Variants in WWOX observed in about 807,000 individuals in gnomAD.
WWOX encodes the protein WW domain containing oxidoreductase, also known as WW domain-containing oxidoreductase.
WWOX carries 69 observed loss-of-function variants against 46.2 expected under a neutral mutation model. The observed-to-expected ratio is 1.49, with a 90% CI of 1.23 to 1.82. The LOEUF is 1.82. Among genes scored for constraint, WWOX ranks in the 40% most tolerant of loss-of-function variants. The pLI is 0.00. For synonymous variants in WWOX, 359 were observed against 202.6 expected (o/e 1.77, Z -6.56); for missense variants, 919 against 542.6 (o/e 1.69, Z -6.89).
intron 8 of WWOX, among the ~76,000 whole-genome samples, chr16:79,141,010 G>T (rs1472851954): frequency 6.6e-6 from 1 of 152,166 alleles, no homozygotes; most frequent in Non-Finnish European, 1.5e-5. Flanking sequence ...GAAAGGACCT[G>T]TGAAAGGAAG....
chr16:78,761,061 C>G (rs548579756), intron 8 of WWOX, among the ~76,000 whole-genome samples: 2 of 152,078 alleles, frequency 1.3e-5, no homozygotes, highest in African/African-American at 4.8e-5. Flanking sequence ...TCCTACAACA[C>G]GTAAGAATTA....
chr16:78,222,221 C>G (rs2036910745), intron 5 of WWOX, among the ~76,000 whole-genome samples: 1 of 152,034 alleles, frequency 6.6e-6, no homozygotes, highest in African/African-American at 2.4e-5. Context: ...GCTAAGCTGT[C>G]TCCTGGGAAG....
At chr16:78,774,569 T>C (rs1466459867) in intron 8 of WWOX, among the ~76,000 whole-genome samples, 1 of 148,558 alleles carries the variant, frequency 6.7e-6, no homozygotes, top group Non-Finnish European at 1.5e-5. Flanking sequence ...CGTGTCCCCC[T>C]CCCCCCCCAC....
intron 8 of WWOX, among the ~76,000 whole-genome samples, chr16:79,008,890 A>AGC (rs10537998): frequency 7.9e-5 from 12 of 152,050 alleles, no homozygotes; most frequent in Admixed American, 3.3e-4. Context: ...TATAATGAGC[A>AGC]GCGCACACAC....
chr16:78,690,869 T>TA (rs1328454954), intron 8 of WWOX, among the ~76,000 whole-genome samples: 1 of 152,218 alleles, frequency 6.6e-6, no homozygotes, highest in Non-Finnish European at 1.5e-5. Flanking sequence ...TGTTGTCTCT[T>TA]AGCACCGTAT....
At chr16:78,754,040 A>G (rs575895867) in intron 8 of WWOX, among the ~76,000 whole-genome samples, 13 of 151,690 alleles carry the variant, frequency 8.6e-5, no homozygotes, top group African/African-American at 3.1e-4. Context: ...GAACTCTTGT[A>G]ATTACTCTCA....
intron 6 of WWOX, among the ~76,000 whole-genome samples, chr16:78,413,941 C>T (rs1014357794): frequency 6.6e-6 from 1 of 151,746 alleles, no homozygotes; most frequent in African/African-American, 2.4e-5. Context: ...CTGTGACCTG[C>T]ACATATACAT....
chr16:78,201,228 C>T (rs191229493), intron 5 of WWOX, among the ~76,000 whole-genome samples: 3 of 152,212 alleles, frequency 2.0e-5, no homozygotes, highest in Admixed American at 1.3e-4. Flanking sequence ...AACTAAGAAC[C>T]AAAATGATTG....
At chr16:78,537,037 G>A (rs1286862838) in intron 8 of WWOX, among the ~76,000 whole-genome samples, 3 of 151,438 alleles carry the variant, frequency 2.0e-5, no homozygotes, top group African/African-American at 7.3e-5. Context: ...AGGCCTCAAC[G>A]TCCTGAGAAG....
At chr16:78,975,619 G>A (rs141375153) in intron 8 of WWOX, among the ~76,000 whole-genome samples, 1 of 152,120 alleles carries the variant, frequency 6.6e-6, no homozygotes, top group African/African-American at 2.4e-5. Context: ...AGGGTGAACA[G>A]TGTTTATTCC....
chr16:78,733,086 C>G (rs958418760), intron 8 of WWOX, among the ~76,000 whole-genome samples: 10 of 152,252 alleles, frequency 6.6e-5, no homozygotes, highest in Middle Eastern at 3.4e-3. Context: ...AAACTTCCGC[C>G]TTTTTTGTCC....
At chr16:78,722,488 G>A (rs1377708403) in intron 8 of WWOX, among the ~76,000 whole-genome samples, 2 of 152,316 alleles carry the variant, frequency 1.3e-5, no homozygotes, top group East Asian at 1.9e-4. Context: ...CATCCAGTAA[G>A]TAGTGGTATC....
chr16:79,048,879 C>G (rs751123102), intron 8 of WWOX, among the ~76,000 whole-genome samples: 13 of 152,240 alleles, frequency 8.5e-5, no homozygotes, highest in African/African-American at 2.6e-4. Context: ...ATCTCTACCA[C>G]CATCCCCAGA....
intron 8 of WWOX, among the ~76,000 whole-genome samples, chr16:78,852,432 G>C (rs1253513011): frequency 6.6e-6 from 1 of 152,190 alleles, no homozygotes; most frequent in Non-Finnish European, 1.5e-5. Flanking sequence ...GCACCATGGG[G>C]AGATCCGCAT....
chr16:78,543,069 A>G (rs1180338607), intron 8 of WWOX, among the ~76,000 whole-genome samples: 9 of 152,234 alleles, frequency 5.9e-5, no homozygotes, highest in Non-Finnish European at 4.4e-5. Context: ...TGAGCAGAGT[A>G]CATGTGTTTC....
intron 8 of WWOX, among the ~76,000 whole-genome samples, chr16:78,541,203 G>A (rs914018533): frequency 6.6e-6 from 1 of 151,890 alleles, no homozygotes; most frequent in Admixed American, 6.6e-5. Context: ...GGCCGGGCGC[G>A]GTGGCTCACG....
intron 5 of WWOX, among the ~76,000 whole-genome samples, chr16:78,296,544 A>G (rs1188880093): frequency 9.3e-5 from 14 of 151,276 alleles, no homozygotes; most frequent in Non-Finnish European, 1.5e-5. Flanking sequence ...ATTTTCTAAA[A>G]TTACATGTAG....
chr16:78,467,859 C>A (rs1047507014), intron 8 of WWOX, among the ~76,000 whole-genome samples: 2 of 152,084 alleles, frequency 1.3e-5, no homozygotes, highest in Admixed American at 6.6e-5. Flanking sequence ...TTTTAGGTGC[C>A]CTGTCTTCCT....
intron 8 of WWOX, among the ~76,000 whole-genome samples, chr16:78,485,899 G>A (rs1038453935): frequency 1.3e-5 from 2 of 152,180 alleles, no homozygotes; most frequent in Admixed American, 1.3e-4. Context: ...GGCCTAAAGG[G>A]CAAGCCAGGA....
Sources: allele counts gnomAD v4.1 joint callset (sites outside exome capture counted in the v4.1 genomes callset), GRCh38; gene constraint gnomAD v4.1.1; transcripts MANE v1.5; gene names NCBI Gene and HGNC (gene_info 2026-07-23, HGNC 2026-07-21).